Variants in CPLANE1 observed in about 807,000 individuals in gnomAD.
The protein encoded by CPLANE1 is ciliogenesis and planar polarity effector complex subunit 1, also known as ciliogenesis and planar polarity effector 1.
In CPLANE1, 263 loss-of-function variants were observed where a neutral mutation model predicts 362.5. That is an observed-to-expected ratio of 0.73 (90% CI 0.66 to 0.80). The LOEUF (loss-of-function observed/expected upper bound fraction) is 0.80. CPLANE1 is among the 30% of genes least tolerant of loss of function. The probability of loss-of-function intolerance (pLI) is 0.00; values close to 1 mark genes in which losing one functional copy is unlikely to be tolerated. For missense variants in CPLANE1, 3,461 were observed against 3,793.4 expected, an observed-to-expected ratio of 0.91 and a Z score of 2.30; for synonymous variants, 1,212 against 1,302.6, an observed-to-expected ratio of 0.93 and a Z score of 1.50.
At chr5:37,180,776 G>A (rs1185420207) in intron 27 of CPLANE1, 81 bp downstream of exon 27, 5 of 1,344,410 alleles carry the variant, frequency 3.7e-6, no homozygotes, top group Non-Finnish European at 5.2e-6. Context: ...TAACTTTCAA[G>A]GGTTTGATCT....
intron 43 of CPLANE1, among the ~76,000 whole-genome samples, chr5:37,146,742 TAA>T (rs1296073015): frequency 6.6e-6 from 1 of 152,038 alleles, no homozygotes; most frequent in Non-Finnish European, 1.5e-5. Flanking sequence ...TGATAATGAT[TAA>T]AGTTTGTTGT....
chr5:37,118,460 T>C lies in CPLANE1; in HGVS notation c.9310+1756A>G, dbSNP rs75097478. Among the ~76,000 whole-genome samples the C allele has an allele frequency of 3.1e-4, 46 of 150,664 alleles. No homozygotes were observed. The East Asian group carries it at 7.4e-3, about 24-fold the overall frequency. On this transcript the variant is annotated intron_variant, in intron 50 of 52. Coordinates refer to ENST00000651892, the MANE Select transcript of CPLANE1 (RefSeq NM_001384732.1). Reference sequence around the variant, plus strand: ...ACCACGAAGGGTTTCATCTAAAGAATTGGGATTTATGGAAATTTCAATTTT... The same window carrying C: ...ACCACGAAGGGTTTCATCTAAAGAACTGGGATTTATGGAAATTTCAATTTT...
At chr5:37,105,252 A>T (rs2149828426), downstream of CPLANE1, among the ~76,000 whole-genome samples, 1 of 152,346 alleles carries the variant, frequency 6.6e-6, no homozygotes, top group South Asian at 2.1e-4. Flanking sequence ...GTGAGCCAAC[A>T]TCACACCACT....
chr5:37,142,196 A>AT, intron 44 of CPLANE1, 114 bp downstream of exon 44: 1 of 1,303,212 alleles, frequency 7.7e-7, no homozygotes, highest in Non-Finnish European at 9.8e-7. Flanking sequence ...CCTAAAATAA[A>AT]TATTACAAAA....
chr5:37,213,450 A>T, intron 16 of CPLANE1, 109 bp downstream of exon 16: 1 of 625,442 alleles, frequency 1.6e-6, no homozygotes, highest in African/African-American at 1.9e-5. Flanking sequence ...TGTTTCAGAT[A>T]CTATGCTAGA....
chr5:37,078,844 A>G, the CPLANE1 span, among the ~76,000 whole-genome samples: 1 of 152,032 alleles, frequency 6.6e-6, no homozygotes, highest in African/African-American at 2.4e-5. Context: ...TTTGTTGGCC[A>G]TATGCATGTC....
chr5:37,173,851 A>G lies in CPLANE1; in HGVS notation c.6075T>C (p.Pro2025=), dbSNP rs1466242360. Residue 2025 remains proline (P), a synonymous_variant, in exon 32 of 53, where the codon CCT becomes CCC. Transcript: ENST00000651892. ...TGAATTCATTTCTCTGGGTCTTCTG[A>G]GGTGTTGGAGCAGGTGGTTGTGAAG... ...NVASQPPAPT[P]QKTQRNEFTA... The G allele has an allele frequency of 6.2e-7, 1 of 1,614,066 alleles. No individual in the cohort carries two copies. The highest frequency in any genetic ancestry group is 2.2e-5 in the East Asian group (1 of 44,872).
In CPLANE1 at chr5:37,138,858, C is replaced by T. The variant is rs1327291496; in HGVS notation, c.8664-10G>A. 6.3e-7 allele frequency: 1 copy of T among 1,592,974 alleles called. No individual in the cohort carries two copies. The highest frequency in any genetic ancestry group is 1.2e-5 in the South Asian group (1 of 86,270). ...CGGATGTACTGAAACACTTCATTTG[C>T]AAATGTAATTTAAGAAATATAAATC... On this transcript the variant is annotated splice_polypyrimidine_tract_variant and intron_variant, in intron 45 of 52. Coordinates refer to ENST00000651892, the MANE Select transcript of CPLANE1 (RefSeq NM_001384732.1).
chr5:37,123,625 G>A (rs1027819795), intron 47 of CPLANE1, among the ~76,000 whole-genome samples: 1 of 152,190 alleles, frequency 6.6e-6, no homozygotes, highest in Non-Finnish European at 1.5e-5. Flanking sequence ...CTGGGCACAA[G>A]TGATCTTCTT....
At chr5:37,195,111 C>T (rs185237497) in intron 21 of CPLANE1, among the ~76,000 whole-genome samples, 373 of 148,514 alleles carry the variant, frequency 2.5e-3, no homozygotes, top group African/African-American at 8.9e-3. Context: ...GCCGAGATCA[C>T]GCCACTGCAC....
Position 37,227,647 on chromosome 5 carries a change from GGA to G in CPLANE1, c.1290_1291del (p.Pro431IlefsTer10). 1 of 1,551,194 alleles carries G rather than the reference GGA, an allele frequency of 6.4e-7. No homozygotes were observed. Among genetic ancestry groups the G allele is most frequent in the Non-Finnish European group, 8.7e-7 (1 of 1,146,628 alleles). ...TAGAAGTGATCTCATGTGTACTGAT[GGA>G]GATAGGCTATCAAGAAATCGAAGGG... is the stretch of plus-strand genomic sequence containing the variant. On this transcript the variant is annotated frameshift_variant, in exon 10 of 53. Coordinates refer to ENST00000651892, the MANE Select transcript of CPLANE1 (RefSeq NM_001384732.1).
At chr5:37,151,108 C>T (rs970054955) in intron 42 of CPLANE1, among the ~76,000 whole-genome samples, 2 of 152,144 alleles carry the variant, frequency 1.3e-5, no homozygotes, top group African/African-American at 4.8e-5. Flanking sequence ...GCTTTCTGTT[C>T]CTCCTTGTCT....
At chr5:37,085,923 A>C in the CPLANE1 span, 14 of 687,884 alleles carry the variant, frequency 2.0e-5, no homozygotes, top group Non-Finnish European at 3.0e-5. Flanking sequence ...TAATAGGAAA[A>C]AAAAAAAGCA....
At chr5:37,174,063 T>C in intron 31 of CPLANE1, 116 bp from the exon 32 acceptor site, 1 of 897,748 alleles carries the variant, frequency 1.1e-6, no homozygotes, top group Non-Finnish European at 1.7e-6. Flanking sequence ...AAGGTTATTC[T>C]AGTAGTTTTC....
chr5:37,176,061 T>A, intron 30 of CPLANE1, 75 bp from the exon 31 acceptor site: 1 of 952,446 alleles, frequency 1.0e-6, no homozygotes. Context: ...TGATCTATGC[T>A]CAGCCATCTA....
the CPLANE1 span, among the ~76,000 whole-genome samples, chr5:37,076,695 T>C: frequency 1.4e-4 from 22 of 152,174 alleles, no homozygotes; most frequent in African/African-American, 4.6e-4. Flanking sequence ...AATGTGAGAA[T>C]AGAGTTCCCT....
Position 37,242,993 on chromosome 5 carries a change from G to T in CPLANE1, c.677+20C>A, listed in dbSNP as rs1443287389. 2 of 1,475,876 alleles carry T rather than the reference G, an allele frequency of 1.4e-6. No homozygotes were observed. Among genetic ancestry groups the T allele is most frequent in the African/African-American group, 2.9e-5 (2 of 69,854 alleles). 91.4% of individuals were successfully genotyped at this position (1,475,876 alleles called of 1,614,324 possible). ...AAAAAAAAATCAGTAAGAAAAGGAA[G>T]AAGAAAACATTTACCTCACCTTACA... On this transcript the variant is annotated intron_variant, in intron 6 of 52. Transcript: ENST00000651892.
rs1282650372 is a variant in CPLANE1, at chr5:37,164,573, T to A, written c.7534-246A>T. On this transcript the variant is annotated intron_variant, in intron 36 of 52. Transcript: ENST00000651892. ...TTAATGTAACGTTCCTAGGTTACCA[T>A]GTGCAACTCTCTTCTACAGAGTAGC... Among the ~76,000 whole-genome samples the A allele has an allele frequency of 2.6e-5, 4 of 152,324 alleles. No individual in the cohort carries two copies. In the East Asian group the frequency reaches 7.7e-4, roughly 29 times the overall value.
intron 25 of CPLANE1, 119 bp from the exon 26 acceptor site, chr5:37,183,818 A>C (rs1783279947): frequency 3.0e-6 from 2 of 656,104 alleles, no homozygotes; most frequent in African/African-American, 1.8e-5. Context: ...TGTGTGCCTC[A>C]ATTACCTACA....
Sources: allele counts gnomAD v4.1 joint callset (sites outside exome capture counted in the v4.1 genomes callset), GRCh38; gene constraint gnomAD v4.1.1; transcripts MANE v1.5; gene names NCBI Gene and HGNC (gene_info 2026-07-23, HGNC 2026-07-21).